NRDE2: variants seen among roughly 807,000 people sequenced by gnomAD.
The protein encoded by NRDE2 is nuclear exosome regulator NRDE2.
Under a neutral mutation model 124.2 loss-of-function variants are expected in NRDE2, and 76 were observed. The observed-to-expected ratio is 0.61, with a 90% CI of 0.51 to 0.74. The LOEUF is 0.74. NRDE2 is among the 30% of genes least tolerant of loss of function. The probability of loss-of-function intolerance (pLI) is 0.00; values close to 1 mark genes in which losing one functional copy is unlikely to be tolerated. For missense variants in NRDE2, 1,314 were observed against 1,417.3 expected, an observed-to-expected ratio of 0.93 and a Z score of 1.17; for synonymous variants, 489 against 528.1, an observed-to-expected ratio of 0.93 and a Z score of 1.01.
Position 90,267,954 on chromosome 14 carries a change from T to C in NRDE2, c.*10382A>G, listed in dbSNP as rs1891561454. On this transcript the variant is annotated 3_prime_UTR_variant, in exon 14 of 14. Coordinates refer to ENST00000354366, the MANE Select transcript of NRDE2 (RefSeq NM_017970.4). ...TTTTCAGGGGAAACTGGGTCAAGGT[T>C]GGAAAATAACCAAGTAAAAAGTATT... 1 of 328,240 alleles carries C rather than the reference T, an allele frequency of 3.0e-6. No individual in the cohort carries two copies. The highest frequency in any genetic ancestry group is 5.5e-6 in the Non-Finnish European group (1 of 181,244). 20.3% of individuals were successfully genotyped at this position (328,240 alleles called of 1,614,324 possible).
At position 90,290,351 on chromosome 14, in the gene NRDE2, C is replaced by T. The variant is rs760929262; in HGVS notation, c.2099G>A (p.Arg700His). The T allele has an allele frequency of 7.4e-6, 12 of 1,613,978 alleles. No homozygotes were observed. The highest frequency in any genetic ancestry group is 2.2e-5 in the East Asian group (1 of 44,892). Residue 700 changes from arginine (R) to histidine (H), a missense_variant, in exon 10 of 14, where the codon CGC (arginine) becomes CAC (histidine). Physicochemically the swap from Arg to His is conservative, Grantham distance 29. Coordinates refer to ENST00000354366, the MANE Select transcript of NRDE2 (RefSeq NM_017970.4). ...CTCTCGGTTCTGACCCCTGGTCCAGCGAGGATAGCCCAACCTATCCATGCG... is the reference window on the plus strand; with the variant it reads ...CTCTCGGTTCTGACCCCTGGTCCAGTGAGGATAGCCCAACCTATCCATGCG... ...VGRMDRLGYP[R>H]WTRGQNREGE... is the part of the protein sequence containing the mutation.
At chr14:90,329,226 T>C (rs1006254583) in intron 1 of NRDE2, among the ~76,000 whole-genome samples, 12 of 152,330 alleles carry the variant, frequency 7.9e-5, no homozygotes, top group Middle Eastern at 3.4e-3. Context: ...TAAAGATCAC[T>C]ATCCTCCATC....
rs762211929 is a variant in NRDE2 at position 90,331,939 on chromosome 14, G to T, written c.-35C>A. 3.1e-6 allele frequency: 5 copies of T among 1,612,630 alleles called. No homozygotes were observed. The highest frequency in any genetic ancestry group is 4.2e-6 in the Non-Finnish European group (5 of 1,179,116). ...CCGTACCTCCGTTCTTCTCTATAGG[G>T]ATGGCGCCGGCGAGCGAGCGCCGGT... On this transcript the variant is annotated 5_prime_UTR_variant, in exon 1 of 14. Coordinates refer to ENST00000354366, the MANE Select transcript of NRDE2 (RefSeq NM_017970.4).
intron 1 of NRDE2, among the ~76,000 whole-genome samples, chr14:90,319,050 A>T (rs1277625310): frequency 6.6e-6 from 1 of 152,174 alleles, no homozygotes; most frequent in Admixed American, 6.5e-5. Flanking sequence ...TTAAATGTCT[A>T]AAGATTTTCT....
At chr14:90,292,228 G>A (rs897748897) in intron 9 of NRDE2, among the ~76,000 whole-genome samples, 4 of 152,150 alleles carry the variant, frequency 2.6e-5, no homozygotes, top group East Asian at 1.9e-4. Context: ...TGGACCCTAC[G>A]GCCAGTCCCT....
intron 4 of NRDE2, among the ~76,000 whole-genome samples, chr14:90,310,431 C>T (rs920955839): frequency 5.3e-5 from 8 of 152,030 alleles, no homozygotes; most frequent in Non-Finnish European, 1.0e-4. Context: ...CACAGAGCAG[C>T]TGTGAGGATC....
chr14:90,288,560 AAAC>A lies in NRDE2; in HGVS notation c.2812_2814del (p.Val938del), dbSNP rs1428079818. ...TCCCCCTCGCCAGAGCCTTCTGGGA[AAAC>A]AGAACTGTTCAGTTTTGCAAACACC... On this transcript the variant is annotated inframe_deletion, in exon 11 of 14. Coordinates refer to ENST00000354366, the MANE Select transcript of NRDE2 (RefSeq NM_017970.4). 2 of 1,614,060 alleles carry A rather than the reference AAAC, an allele frequency of 1.2e-6. No individual in the cohort carries two copies. Among genetic ancestry groups the A allele is most frequent in the African/African-American group, 1.3e-5 (1 of 74,926 alleles).
In NRDE2 at chr14:90,288,488, G is replaced by A. The variant is rs1168231261; in HGVS notation, c.2887C>T (p.Leu963=). The change falls in exon 11 of 14, where the codon CTG becomes TTG. Residue 963 remains leucine, a synonymous_variant. Transcript: ENST00000354366. ...AATCTCAGCAGGCTCGTGTGCATCA[G>A]TGTGATGGCTTCGAGAACACTGGTC... The part of the protein sequence containing the change: ...SWTSVLEAIT[L]MHTSLLRFHM... The A allele has an allele frequency of 5.0e-6, 8 of 1,614,082 alleles. No individual in the cohort carries two copies. In the African/African-American group the frequency reaches 8.0e-5, roughly 16 times the overall value.
intron 1 of NRDE2, among the ~76,000 whole-genome samples, chr14:90,326,344 A>G (rs1885435668): frequency 6.6e-6 from 1 of 151,126 alleles, no homozygotes; most frequent in Non-Finnish European, 1.5e-5. Flanking sequence ...AATACAAAAA[A>G]TTAGCCGGGC....
rs951852963 is a variant in NRDE2, at chr14:90,276,315, T to G, written c.*2021A>C. ...CTCACTGCAAGCTCTGCCTCCCAGG[T>G]TCACGCCATTCTCCTGCCTTAGCCT... On this transcript the variant is annotated 3_prime_UTR_variant, in exon 14 of 14. Coordinates refer to ENST00000354366, the MANE Select transcript of NRDE2 (RefSeq NM_017970.4). 8 of 147,532 alleles carry G rather than the reference T, an allele frequency of 5.4e-5. No individual in the cohort carries two copies. The highest frequency in any genetic ancestry group is 2.0e-4 in the African/African-American group (8 of 39,778). The allele number at this position is 147,532 out of a possible 1,614,324, so 9.1% of individuals were successfully genotyped here. A position where few individuals can be genotyped will look rare whatever the true frequency, so the allele number is the denominator to read the frequency against.
chr14:90,292,927 C>T, intron 8 of NRDE2, 55 bp from the exon 9 acceptor site: 1 of 1,524,888 alleles, frequency 6.6e-7, no homozygotes, highest in Non-Finnish European at 9.0e-7. Flanking sequence ...ACCATCGCCA[C>T]TCAATCAGCC....
In NRDE2 at chr14:90,304,240, T is replaced by C. The variant is rs1192475307; in HGVS notation, c.700A>G (p.Ile234Val). ...TTACTGCTAATGGCAACTCCATCGA[T>C]GTTCATTAATCCCACACTCTTCTTA... ...FTKKSVGLMN[I>V]DGVAISSKTE... Residue 234 changes from isoleucine to valine, a missense_variant, in exon 5 of 14, where the codon ATC becomes GTC. Coordinates refer to ENST00000354366, the MANE Select transcript of NRDE2 (RefSeq NM_017970.4). 1 of 1,614,176 alleles carries C rather than the reference T, an allele frequency of 6.2e-7. No homozygotes were observed. Among genetic ancestry groups the C allele is most frequent in the South Asian group, 1.1e-5 (1 of 91,078 alleles).
In NRDE2 at chr14:90,298,245, T is replaced by C. The variant is rs1292150828; in HGVS notation, c.1666+15A>G. The C allele has an allele frequency of 6.2e-7, 1 of 1,612,258 alleles. No homozygotes were observed. The highest frequency in any genetic ancestry group is 2.2e-5 in the East Asian group (1 of 44,866). ...AAGAAACAGAAGTACACGTCTTCAA[T>C]GAGAGGTGACTTACCTGGGTTGATG... On this transcript the variant is annotated intron_variant, in intron 8 of 13. Transcript: ENST00000354366.
intron 8 of NRDE2, among the ~76,000 whole-genome samples, chr14:90,297,293 C>T (rs1884207396): frequency 6.6e-6 from 1 of 151,928 alleles, no homozygotes; most frequent in South Asian, 2.1e-4. Flanking sequence ...CAATTGGCAT[C>T]TGAATCTCTG....
In NRDE2 at chr14:90,271,997, A is replaced by G; in HGVS notation, c.*6339T>C. 1.5e-5 allele frequency: 4 copies of G among 261,558 alleles called. No individual in the cohort carries two copies. Among genetic ancestry groups the G allele is most frequent in the South Asian group, 3.7e-5 (1 of 26,716 alleles). 16.2% of individuals were successfully genotyped at this position (261,558 alleles called of 1,614,324 possible). A position where few individuals can be genotyped will look rare whatever the true frequency, so the allele number is the denominator to read the frequency against. ...AACCTCTGCCTCCCGGGTTCAAGCA[A>G]TTCTCCTGCCTCAGCCTCCCGAGTA... On this transcript the variant is annotated 3_prime_UTR_variant, in exon 14 of 14. Coordinates refer to ENST00000354366, the MANE Select transcript of NRDE2 (RefSeq NM_017970.4).
Position 90,288,349 on chromosome 14 carries a change from T to C in NRDE2, c.3026A>G (p.Asn1009Ser), listed in dbSNP as rs1467537917. 1 of 1,614,074 alleles carries C rather than the reference T, an allele frequency of 6.2e-7. No individual in the cohort carries two copies. The highest frequency in any genetic ancestry group is 1.3e-5 in the African/African-American group (1 of 74,918). Reference protein sequence around the residue: ...VLWRSYVQIQNKSHSASKTRR... With the variant: ...VLWRSYVQIQSKSHSASKTRR... ...GGTTTTGCTGGCACTGTGGGACTTA[T>C]TCTGAATCTGTACATAGGACCTCCA... The change falls in exon 11 of 14, where the codon AAT (asparagine) becomes AGT (serine). Residue 1009 changes from asparagine to serine, a missense_variant. By Grantham distance (46) the Asn-to-Ser change is conservative. Coordinates refer to ENST00000354366, the MANE Select transcript of NRDE2 (RefSeq NM_017970.4).
chr14:90,300,863 GGGGGA>G (rs371385803), intron 7 of NRDE2, among the ~76,000 whole-genome samples: 1 of 87,132 alleles, frequency 1.1e-5, no homozygotes, highest in Non-Finnish European at 2.4e-5. Context: ...AAGGGGATGG[GGGGGA>G]GGAGGGGAGG....
In NRDE2 at chr14:90,271,892, AT is replaced by A. The variant is rs58641715; in HGVS notation, c.*6443del. ...TGTCTCATGCTTTATTTCAGAACAG[AT>A]TTTTTTTTTTTTTTTTTTGAGGTAG... On this transcript the variant is annotated 3_prime_UTR_variant, in exon 14 of 14. Coordinates refer to ENST00000354366, the MANE Select transcript of NRDE2 (RefSeq NM_017970.4). The A allele has an allele frequency of 0.15, 21,205 of 139,822 alleles. 1,661 individuals carry two copies. Among genetic ancestry groups the A allele is most frequent in the Non-Finnish European group, 0.19 (12,571 of 64,972 alleles). 8.7% of individuals were successfully genotyped at this position (139,822 alleles called of 1,614,324 possible). A position where few individuals can be genotyped will look rare whatever the true frequency, so the allele number is the denominator to read the frequency against.
At chr14:90,303,864 C>G in intron 5 of NRDE2, 71 bp downstream of exon 5, 1 of 1,370,970 alleles carries the variant, frequency 7.3e-7, no homozygotes, top group East Asian at 2.3e-5. Context: ...AAAATTGCTG[C>G]ACAGTCCATC....
Sources: allele counts gnomAD v4.1 joint callset (sites outside exome capture counted in the v4.1 genomes callset), GRCh38; gene constraint gnomAD v4.1.1; transcripts MANE v1.5; gene names NCBI Gene and HGNC (gene_info 2026-07-23, HGNC 2026-07-21).